The following DYNC1I1 variants were observed in gnomAD, a reference collection of about 807,000 sequenced individuals.
DYNC1I1 encodes dynein cytoplasmic 1 intermediate chain 1, also known as cytoplasmic dynein 1 intermediate chain 1.
In DYNC1I1, 43 loss-of-function variants were observed where a neutral mutation model predicts 86.6. The observed-to-expected ratio is 0.50, with a 90% CI of 0.39 to 0.64. DYNC1I1 has a LOEUF of 0.64. Ranked by LOEUF, DYNC1I1 falls within the 30% of genes least tolerant of loss-of-function variation. The pLI, the probability that DYNC1I1 is intolerant of heterozygous loss-of-function variation, is 0.00. For missense variants in DYNC1I1, 604 were observed against 788.8 expected (o/e 0.77, Z 2.81); for synonymous variants, 262 against 283.7 (o/e 0.92, Z 0.77).
intron 6 of DYNC1I1, among the ~76,000 whole-genome samples, chr7:95,961,842 A>G (rs1792878571): frequency 6.6e-6 from 1 of 152,186 alleles, no homozygotes; most frequent in Non-Finnish European, 1.5e-5. Context: ...CGCCATCAAA[A>G]CTGAAGGCCT....
intron 5 of DYNC1I1, among the ~76,000 whole-genome samples, chr7:95,840,736 C>T (rs1789258551): frequency 6.6e-6 from 1 of 152,192 alleles, no homozygotes; most frequent in African/African-American, 2.4e-5. Flanking sequence ...CTGGATGCTA[C>T]CTATTCCTTC....
chr7:95,972,725 AG>A (rs1185178464), intron 6 of DYNC1I1, among the ~76,000 whole-genome samples: 5 of 152,184 alleles, frequency 3.3e-5, no homozygotes, highest in African/African-American at 1.2e-4. Flanking sequence ...CTTCATTCAG[AG>A]CCATGGACTA....
intron 4 of DYNC1I1, among the ~76,000 whole-genome samples, chr7:95,819,259 C>A (rs1795020056): frequency 6.6e-6 from 1 of 152,102 alleles, no homozygotes; most frequent in Non-Finnish European, 1.5e-5. Context: ...TATTCAGTTT[C>A]TTATTGACAG....
intron 10 of DYNC1I1, among the ~76,000 whole-genome samples, chr7:96,005,221 C>CAG (rs1794111900): frequency 6.6e-6 from 1 of 152,052 alleles, no homozygotes; most frequent in Non-Finnish European, 1.5e-5. Context: ...AAAATAATTC[C>CAG]AGAGCATCAT....
intron 6 of DYNC1I1, among the ~76,000 whole-genome samples, chr7:95,941,565 T>C (rs888339643): frequency 7.1e-4 from 108 of 152,210 alleles, no homozygotes; most frequent in Non-Finnish European, 1.1e-3. Context: ...ACTGCTGTGC[T>C]AGCAATCAGT....
chr7:95,899,556 T>G (rs1790979462), intron 6 of DYNC1I1, among the ~76,000 whole-genome samples: 2 of 152,188 alleles, frequency 1.3e-5, no homozygotes. Context: ...TGGACATTTT[T>G]TATATATTAG....
chr7:95,851,544 G>A (rs1421277567), intron 5 of DYNC1I1, among the ~76,000 whole-genome samples: 1 of 151,950 alleles, frequency 6.6e-6, no homozygotes, highest in Non-Finnish European at 1.5e-5. Flanking sequence ...GACTATCTTT[G>A]CATCTCTGGG....
At position 95,922,675 on chromosome 7, in the gene DYNC1I1, G is replaced by A. The variant is rs181887649; in HGVS notation, c.490+52677G>A. Among the ~76,000 whole-genome samples the A allele has an allele frequency of 4.6e-4, 70 of 152,146 alleles. No homozygotes were observed. In the East Asian group the frequency reaches 0.012, roughly 25 times the overall value. On this transcript the variant is annotated intron_variant, in intron 6 of 16. Coordinates refer to ENST00000447467, the MANE Select transcript of DYNC1I1 (RefSeq NM_001135556.2). ...ATCTTTTTCACCCCAGCACAAACAC[G>A]TTCCCTCTGATTTTCCTCATTGACT...
At chr7:95,819,192 G>A (rs2690291) in intron 4 of DYNC1I1, among the ~76,000 whole-genome samples, 78,846 of 151,902 alleles carry the variant, frequency 0.52, 21,115 homozygotes, top group African/African-American at 0.68. Flanking sequence ...GGGACAAAGG[G>A]ACAGATTTCT....
intron 6 of DYNC1I1, among the ~76,000 whole-genome samples, chr7:95,949,585 C>T (rs1006075917): frequency 6.6e-6 from 1 of 152,120 alleles, no homozygotes; most frequent in Admixed American, 6.5e-5. Context: ...AAAGTAAATC[C>T]TGAGGGATTG....
At chr7:96,004,964 A>G (rs1452360120) in intron 10 of DYNC1I1, among the ~76,000 whole-genome samples, 1 of 152,230 alleles carries the variant, frequency 6.6e-6, no homozygotes, top group Non-Finnish European at 1.5e-5. Context: ...GATTGCTCTT[A>G]GGAGAGGTTG....
chr7:95,810,388 C>G lies in DYNC1I1; in HGVS notation c.109-4C>G, dbSNP rs1198089760. ...TAACTTTTCTTACTGACGTCTACTT[C>G]TAGGCTGATATGCAGCAGAAGAAAG... On this transcript the variant is annotated splice_polypyrimidine_tract_variant and splice_region_variant and intron_variant, in intron 2 of 16. Transcript: ENST00000447467. 1 of 1,603,454 alleles carries G rather than the reference C, an allele frequency of 6.2e-7. No homozygotes were observed. The highest frequency in any genetic ancestry group is 8.5e-7 in the Non-Finnish European group (1 of 1,175,728).
chr7:95,997,583 T>TTGTG (rs34117329), intron 10 of DYNC1I1, among the ~76,000 whole-genome samples: 2,164 of 142,788 alleles, frequency 0.015, 26 homozygotes, highest in African/African-American at 0.029. Flanking sequence ...AAGGGCATTC[T>TTGTG]TGTGTGTGTG....
rs75469385 is a variant in DYNC1I1, at chr7:95,798,930, G to T, written c.-9-5791G>T. Among the ~76,000 whole-genome samples, 14 of 152,312 alleles carry T rather than the reference G, an allele frequency of 9.2e-5. No individual in the cohort carries two copies. In the East Asian group the frequency reaches 2.5e-3, roughly 27 times the overall value. On this transcript the variant is annotated intron_variant, in intron 1 of 16. Transcript: ENST00000447467. ...AGCTGGACATTTTCCTTTCTCTATGGATATATGCAGACATAAGAAATGTAA... is the reference window on the plus strand; with the variant it reads ...AGCTGGACATTTTCCTTTCTCTATGTATATATGCAGACATAAGAAATGTAA...
At chr7:96,096,816 T>C (rs1791022812) in intron 16 of DYNC1I1, among the ~76,000 whole-genome samples, 1 of 152,168 alleles carries the variant, frequency 6.6e-6, no homozygotes, top group Non-Finnish European at 1.5e-5. Flanking sequence ...TTGGTAAGAT[T>C]ATTTAATCTT....
At chr7:95,955,772 T>A (rs1792694784) in intron 6 of DYNC1I1, among the ~76,000 whole-genome samples, 1 of 150,136 alleles carries the variant, frequency 6.7e-6, no homozygotes, top group Admixed American at 6.6e-5. Flanking sequence ...AAATGTATAA[T>A]TACTTGACAT....
At chr7:95,871,085 G>A (rs535948915) in intron 6 of DYNC1I1, among the ~76,000 whole-genome samples, 36 of 152,254 alleles carry the variant, frequency 2.4e-4, no homozygotes, top group African/African-American at 7.9e-4. Context: ...GCAAGCTACA[G>A]GTTTTCAGTT....
intron 14 of DYNC1I1, among the ~76,000 whole-genome samples, chr7:96,057,746 T>G (rs1435752497): frequency 6.6e-6 from 1 of 152,174 alleles, no homozygotes; most frequent in Non-Finnish European, 1.5e-5. Context: ...TCTCCATAGC[T>G]CTCAGTCAGG....
chr7:95,909,249 G>GA (rs1165882500), intron 6 of DYNC1I1, among the ~76,000 whole-genome samples: 3 of 113,572 alleles, frequency 2.6e-5, no homozygotes, highest in Non-Finnish European at 5.5e-5. Context: ...GGGGTGGGGG[G>GA]GGGGGGCGGG....
Sources: allele counts gnomAD v4.1 joint callset (sites outside exome capture counted in the v4.1 genomes callset), GRCh38; gene constraint gnomAD v4.1.1; transcripts MANE v1.5; gene names NCBI Gene and HGNC (gene_info 2026-07-23, HGNC 2026-07-21).